Variants in CRYBG2 observed in about 807,000 individuals in gnomAD.
The protein encoded by CRYBG2 is beta/gamma crystallin domain-containing protein 2.
A neutral mutation model predicts 153.4 loss-of-function variants in CRYBG2; 106 were observed. The ratio of observed to expected loss-of-function variants is 0.69; its 90% CI spans 0.59 to 0.81. The LOEUF (loss-of-function observed/expected upper bound fraction) is 0.81. Ranked by LOEUF, CRYBG2 falls within the 30% of genes least tolerant of loss-of-function variation. The pLI, the probability that CRYBG2 is intolerant of heterozygous loss-of-function variation, is 0.00. For missense variants in CRYBG2, 1,996 were observed against 2,112.0 expected, an observed-to-expected ratio of 0.95 and a Z score of 1.08; for synonymous variants, 851 against 877.8, an observed-to-expected ratio of 0.97 and a Z score of 0.54.
At chr1:26,338,193 C>A in intron 7 of CRYBG2, 146 bp from the exon 8 acceptor site, 1 of 1,401,234 alleles carries the variant, frequency 7.1e-7, no homozygotes, top group Non-Finnish European at 9.7e-7. Flanking sequence ...ACCTCTCCTC[C>A]CACTCCCATT....
Position 26,322,297 on chromosome 1 carries a change from C to T in CRYBG2, c.4764G>A (p.Val1588=). The T allele has an allele frequency of 6.2e-7, 1 of 1,613,144 alleles. No individual in the cohort carries two copies. Among genetic ancestry groups the T allele is most frequent in the Non-Finnish European group, 8.5e-7 (1 of 1,179,612 alleles). The part of the protein sequence containing the change: ...NQMAPTMSLQ[V]IGPPSPGSKV... ...TGGAGCCTGGGCTAGGGGGTCCAATCACCTGTAGGCTCATGGTGGGGGCCA... is the reference window on the plus strand; with the variant it reads ...TGGAGCCTGGGCTAGGGGGTCCAATTACCTGTAGGCTCATGGTGGGGGCCA... The change falls in exon 19 of 20, where the codon GTG becomes GTA. Residue 1588 remains valine (V), a synonymous_variant. Coordinates refer to ENST00000308182, the MANE Select transcript of CRYBG2 (RefSeq NM_001039775.4).
At chr1:26,329,492 T>C (rs1279151362) in intron 15 of CRYBG2, among the ~76,000 whole-genome samples, 1 of 151,458 alleles carries the variant, frequency 6.6e-6, no homozygotes, top group Non-Finnish European at 1.5e-5. Context: ...TTTTTTTTTT[T>C]TTTTTGAGAT....
chr1:26,337,566 C>G lies in CRYBG2; in HGVS notation c.3616G>C (p.Val1206Leu). The stretch of plus-strand genomic sequence containing the variant: ...CCTCCGAGAACTCTCAGGGACCCCA[C>G]AGAGGCCAGGTGGGGGCTCTGGCTG... ...EDSQSPHLAS[V>L]GSLRVLGGCW... The change falls in exon 9 of 20, where the codon GTG (valine) becomes CTG (leucine). Residue 1206 changes from valine to leucine, a missense_variant. Transcript: ENST00000308182. 1 of 1,612,926 alleles carries G rather than the reference C, an allele frequency of 6.2e-7. No homozygotes were observed. The highest frequency in any genetic ancestry group is 8.5e-7 in the Non-Finnish European group (1 of 1,179,954).
intron 1 of CRYBG2, among the ~76,000 whole-genome samples, chr1:26,348,560 TATC>T (rs1186409270): frequency 1.3e-5 from 2 of 151,798 alleles, no homozygotes; most frequent in African/African-American, 4.8e-5. Context: ...TAAGAAAAGT[TATC>T]ATTATTTTTT....
chr1:26,346,501 C>T lies in CRYBG2; in HGVS notation c.157G>A (p.Glu53Lys), dbSNP rs751756737. Reference protein sequence around the residue: ...SGAQMEAPQKEMFEFSRREEV... With the variant: ...SGAQMEAPQKKMFEFSRREEV... ...TCTCGACGGCTGAACTCAAACATCTCCTTCTGCGGGGCTTCCATCTGGGCC... is the reference window on the plus strand; with the variant it reads ...TCTCGACGGCTGAACTCAAACATCTTCTTCTGCGGGGCTTCCATCTGGGCC... The change falls in exon 2 of 20, where the codon GAG becomes AAG. Residue 53 changes from glutamate to lysine, a missense_variant. By Grantham distance (56) the Glu-to-Lys change is moderately conservative. Transcript: ENST00000308182. The surrounding 1 kb of genome is among the most constrained non-coding windows in gnomAD (Gnocchi z 4.9). 5.0e-6 allele frequency: 8 copies of T among 1,612,950 alleles called. No individual in the cohort carries two copies. Among genetic ancestry groups the T allele is most frequent in the Non-Finnish European group, 6.8e-6 (8 of 1,179,856 alleles).
At position 26,343,225 on chromosome 1, in the gene CRYBG2, C is replaced by G; in HGVS notation, c.2961+21G>C. The G allele has an allele frequency of 6.4e-7, 1 of 1,550,612 alleles. No individual in the cohort carries two copies. Among genetic ancestry groups the G allele is most frequent in the South Asian group, 1.2e-5 (1 of 84,066 alleles). On this transcript the variant is annotated intron_variant, in intron 3 of 19. Coordinates refer to ENST00000308182, the MANE Select transcript of CRYBG2 (RefSeq NM_001039775.4). The surrounding 1 kb of genome is among the most constrained non-coding windows in gnomAD (Gnocchi z 4.1). ...GCCCCTGCATCCTGCTGCCCCCACCCACTTGCCCCCACAACCCTACCTTTC... is the reference window on the plus strand; with the variant it reads ...GCCCCTGCATCCTGCTGCCCCCACCGACTTGCCCCCACAACCCTACCTTTC...
chr1:26,339,150 C>T, intron 6 of CRYBG2, 140 bp downstream of exon 6: 11 of 1,068,220 alleles, frequency 1.0e-5, no homozygotes, highest in Non-Finnish European at 1.5e-5. Flanking sequence ...CACTGAATTG[C>T]TATTGTCTGC....
In CRYBG2 at chr1:26,345,788, G is replaced by C. The variant is rs998983533; in HGVS notation, c.870C>G (p.Ala290=). The change falls in exon 2 of 20, where the codon GCC becomes GCG. Residue 290 remains alanine (A), a synonymous_variant. Coordinates refer to ENST00000308182, the MANE Select transcript of CRYBG2 (RefSeq NM_001039775.4). ...TGTAELKDSS[A]LASTGIPASA... ...TGGCTGGGATGCCTGTAGAGGCCAG[G>C]GCAGAGCTGTCTTTAAGCTCTGCTG... is the stretch of plus-strand genomic sequence containing the variant. 1 of 1,596,630 alleles carries C rather than the reference G, an allele frequency of 6.3e-7. No homozygotes were observed. Among genetic ancestry groups the C allele is most frequent in the African/African-American group, 1.3e-5 (1 of 74,896 alleles).
chr1:26,325,799 C>T lies in CRYBG2; in HGVS notation c.4579-1489G>A, dbSNP rs566015131. ...TTAATGATACTGATGTTCAGACATG[C>T]AGGCACGGACATACAGAAACACATA... is the stretch of plus-strand genomic sequence containing the variant. On this transcript the variant is annotated intron_variant, in intron 17 of 19. Coordinates refer to ENST00000308182, the MANE Select transcript of CRYBG2 (RefSeq NM_001039775.4). This position sits in a 1 kb window ranked among gnomAD's most constrained non-coding sequence, Gnocchi z 4.1. Among the ~76,000 whole-genome samples, 14 of 152,304 alleles carry T rather than the reference C, an allele frequency of 9.2e-5. No homozygotes were observed. The highest frequency in any genetic ancestry group is 7.2e-4 in the Admixed American group (11 of 15,292).
At chr1:26,352,215 A>C (rs1395785291) in intron 1 of CRYBG2, among the ~76,000 whole-genome samples, 1 of 152,170 alleles carries the variant, frequency 6.6e-6, no homozygotes, top group East Asian at 1.9e-4. Flanking sequence ...ACAGACAGAT[A>C]CCGACACAGA....
rs1005927699 is a variant in CRYBG2 at position 26,333,422 on chromosome 1, C to T, written c.4185-1804G>A. On this transcript the variant is annotated intron_variant, in intron 14 of 19. Coordinates refer to ENST00000308182, the MANE Select transcript of CRYBG2 (RefSeq NM_001039775.4). Reference sequence around the variant, plus strand: ...CTCTGCTAAAAATACAAAAATTAGCCGGGTGTGGTGGTTCATGCCTATAAT... The same window carrying T: ...CTCTGCTAAAAATACAAAAATTAGCTGGGTGTGGTGGTTCATGCCTATAAT... Among the ~76,000 whole-genome samples the T allele has an allele frequency of 6.6e-5, 10 of 152,088 alleles. No individual in the cohort carries two copies. The East Asian group carries it at 9.7e-4, about 15-fold the overall frequency.
chr1:26,327,880 G>A (rs1197938737), intron 17 of CRYBG2, among the ~76,000 whole-genome samples: 1 of 151,526 alleles, frequency 6.6e-6, no homozygotes, highest in African/African-American at 2.4e-5. Context: ...CCGGGAGGTG[G>A]AGGCTGCAGT....
intron 17 of CRYBG2, chr1:26,326,604 T>C (rs1476478212): frequency 4.9e-6 from 1 of 204,070 alleles, no homozygotes; most frequent in Non-Finnish European, 1.1e-5. Flanking sequence ...ATGGATATTA[T>C]TCCTTAGGAC....
rs79479409 is a variant in CRYBG2, at chr1:26,345,521, G to A, written c.1137C>T (p.Pro379=). 577 of 1,597,676 alleles carry A rather than the reference G, an allele frequency of 3.6e-4. 1 individual carries two copies. In the East Asian group the frequency reaches 0.012, roughly 34 times the overall value. The change falls in exon 2 of 20, where the codon CCC becomes CCT. Residue 379 remains proline (P), a synonymous_variant. Coordinates refer to ENST00000308182, the MANE Select transcript of CRYBG2 (RefSeq NM_001039775.4). ...GAACAAGGGGAGTGAGCCGGGCCCC[G>A]GGGTGAGTGGGCACCACAGGCTGCT... ...PAKQPVVPTH[P]GARLTPLVLP...
At chr1:26,337,815 CCTATCT>C in intron 8 of CRYBG2, 141 bp from the exon 9 acceptor site, 1 of 1,336,906 alleles carries the variant, frequency 7.5e-7, no homozygotes, top group Non-Finnish European at 1.0e-6. Flanking sequence ...TTACCCAATT[CCTATCT>C]CTACTCTGAC....
At chr1:26,327,043 C>G (rs1303126914) in intron 17 of CRYBG2, 2 of 480,912 alleles carry the variant, frequency 4.2e-6, no homozygotes, top group African/African-American at 3.9e-5. Flanking sequence ...TAAATAAAAA[C>G]TGGGCTGGGG....
intron 1 of CRYBG2, among the ~76,000 whole-genome samples, chr1:26,353,376 T>A (rs2074305956): frequency 6.6e-6 from 1 of 152,184 alleles, no homozygotes; most frequent in South Asian, 2.1e-4. Context: ...CCCTCCTTGA[T>A]GAGCTTTGGG....
chr1:26,339,584 T>A (rs1188866158), intron 5 of CRYBG2, among the ~76,000 whole-genome samples, 155 bp from the exon 6 acceptor site: 2 of 152,034 alleles, frequency 1.3e-5, no homozygotes, highest in African/African-American at 4.8e-5. Context: ...CAGTCTCTAC[T>A]AAAAATACAA....
intron 1 of CRYBG2, among the ~76,000 whole-genome samples, chr1:26,348,736 A>G (rs192858537): frequency 1.8e-4 from 27 of 151,874 alleles, no homozygotes; most frequent in African/African-American, 6.5e-4. Context: ...TTGTATTTTT[A>G]GTAGAGATGG....
Sources: allele counts gnomAD v4.1 joint callset (sites outside exome capture counted in the v4.1 genomes callset), GRCh38; gene constraint gnomAD v4.1.1; non-coding constraint Gnocchi (gnomAD v3.1); transcripts MANE v1.5; gene names NCBI Gene and HGNC (gene_info 2026-07-23, HGNC 2026-07-21).